The following LUZP2 variants were observed in gnomAD, a reference collection of about 807,000 sequenced individuals.
The protein encoded by LUZP2 is leucine zipper protein 2.
In LUZP2, 52 loss-of-function variants were observed where a neutral mutation model predicts 51.6. The observed-to-expected ratio is 1.01, with a 90% CI of 0.81 to 1.27. The LOEUF is 1.27. Ranked by LOEUF, LUZP2 falls within the 50% of genes most tolerant of loss-of-function variation. The probability of loss-of-function intolerance (pLI) is 0.00; values close to 1 mark genes in which losing one functional copy is unlikely to be tolerated. For missense variants in LUZP2, 436 were observed against 395.4 expected (o/e 1.10, Z -0.87); for synonymous variants, 154 against 137.3 (o/e 1.12, Z -0.85).
intron 7 of LUZP2, among the ~76,000 whole-genome samples, chr11:24,915,199 T>C (rs1215590754): frequency 6.6e-6 from 1 of 152,120 alleles, no homozygotes; most frequent in Non-Finnish European, 1.5e-5. Context: ...CTGTAGGACT[T>C]TCATTAACTC....
intron 5 of LUZP2, among the ~76,000 whole-genome samples, chr11:24,790,034 T>A (rs74944880): frequency 0.019 from 2,882 of 152,302 alleles, 93 homozygotes; most frequent in African/African-American, 0.066. Flanking sequence ...CCACCTGTGC[T>A]TTGAATTTAT....
chr11:24,697,079 T>A (rs367624027), intron 1 of LUZP2, among the ~76,000 whole-genome samples: 2 of 152,156 alleles, frequency 1.3e-5, no homozygotes, highest in South Asian at 4.1e-4. Flanking sequence ...TAAGGTCTGT[T>A]AAGGTCAAGG....
At chr11:24,918,576 C>A (rs1278277164) in intron 7 of LUZP2, among the ~76,000 whole-genome samples, 1 of 151,356 alleles carries the variant, frequency 6.6e-6, no homozygotes, top group Non-Finnish European at 1.5e-5. Flanking sequence ...ATAATAAGAG[C>A]TATTTATGAC....
chr11:24,915,172 C>T (rs184444854), intron 7 of LUZP2, among the ~76,000 whole-genome samples: 142 of 151,998 alleles, frequency 9.3e-4, no homozygotes, highest in African/African-American at 3.3e-3. Flanking sequence ...TATACAATAC[C>T]CACAAAAACT....
At chr11:24,952,329 G>T (rs1855101314) in intron 7 of LUZP2, among the ~76,000 whole-genome samples, 1 of 151,510 alleles carries the variant, frequency 6.6e-6, no homozygotes, top group South Asian at 2.1e-4. Context: ...GTTTTTGCAG[G>T]CACCTATATA....
chr11:24,872,389 G>C (rs139121759), intron 5 of LUZP2, among the ~76,000 whole-genome samples: 1 of 152,232 alleles, frequency 6.6e-6, no homozygotes, highest in East Asian at 1.9e-4. Flanking sequence ...ATTTGCTGCT[G>C]TCTCAGCTGT....
chr11:24,955,292 T>G (rs1855183504), intron 7 of LUZP2, among the ~76,000 whole-genome samples: 1 of 152,034 alleles, frequency 6.6e-6, no homozygotes, highest in Non-Finnish European at 1.5e-5. Flanking sequence ...TAACTGACCT[T>G]ATACTGAGTG....
At chr11:25,040,112 C>T (rs1476611006) in intron 9 of LUZP2, among the ~76,000 whole-genome samples, 1 of 151,960 alleles carries the variant, frequency 6.6e-6, no homozygotes, top group Non-Finnish European at 1.5e-5. Context: ...ATTAGTAAAT[C>T]ATAGAAGAAT....
chr11:25,045,177 T>C (rs1858264092), intron 9 of LUZP2, among the ~76,000 whole-genome samples: 1 of 151,912 alleles, frequency 6.6e-6, no homozygotes, highest in African/African-American at 2.4e-5. Flanking sequence ...CTGCACGTTG[T>C]GCACATGTGC....
intron 5 of LUZP2, among the ~76,000 whole-genome samples, chr11:24,864,597 G>A (rs1166353391): frequency 6.6e-6 from 1 of 152,162 alleles, no homozygotes; most frequent in Non-Finnish European, 1.5e-5. Context: ...TCCGCATGGT[G>A]GCAAGTTGTT....
intron 4 of LUZP2, among the ~76,000 whole-genome samples, chr11:24,743,462 G>C (rs900180399): frequency 6.6e-6 from 1 of 151,936 alleles, no homozygotes; most frequent in Non-Finnish European, 1.5e-5. Context: ...TTATAAAAGG[G>C]GTTGAATCCT....
At chr11:24,865,138 C>T (rs1412303476) in intron 5 of LUZP2, among the ~76,000 whole-genome samples, 2 of 152,134 alleles carry the variant, frequency 1.3e-5, no homozygotes, top group Admixed American at 1.3e-4. Context: ...TTTTCAGAGT[C>T]AGAACAAGTT....
intron 7 of LUZP2, among the ~76,000 whole-genome samples, chr11:24,967,715 A>C (rs1024512421): frequency 1.3e-5 from 2 of 151,986 alleles, no homozygotes; most frequent in African/African-American, 4.8e-5. Context: ...TTTGCTTTTA[A>C]AAATAACATT....
At chr11:24,525,328 C>T (rs540934511) in intron 1 of LUZP2, among the ~76,000 whole-genome samples, 2 of 151,722 alleles carry the variant, frequency 1.3e-5, no homozygotes, top group East Asian at 3.9e-4. Context: ...AAATTGCCTG[C>T]TTCACATAAT....
At position 24,763,008 on chromosome 11, in the gene LUZP2, C is replaced by G. The variant is rs1187220624; in HGVS notation, c.334-238C>G. ...CACAGTCATAAAGTGTAGGGTTTCT[C>G]AATTTAAAAAAAAAATAATAAATAG... On this transcript the variant is annotated intron_variant, in intron 4 of 11. Transcript: ENST00000336930. The G allele has an allele frequency of 4.7e-6, 4 of 856,030 alleles. No homozygotes were observed. In the East Asian group the frequency reaches 4.9e-4, roughly 104 times the overall value. The allele number at this position is 856,030 out of a possible 1,614,324, so 53.0% of individuals were successfully genotyped here. A position where few individuals can be genotyped will look rare whatever the true frequency, so the allele number is the denominator to read the frequency against.
chr11:24,703,865 C>CAA (rs68058102), intron 1 of LUZP2, among the ~76,000 whole-genome samples: 1,769 of 150,370 alleles, frequency 0.012, 35 homozygotes, highest in Admixed American at 0.037. Context: ...AAAAAACGAA[C>CAA]AAAAAAAAAC....
chr11:24,737,517 C>A (rs1331451759), intron 3 of LUZP2, among the ~76,000 whole-genome samples: 1 of 135,066 alleles, frequency 7.4e-6, no homozygotes, highest in Admixed American at 7.8e-5. Context: ...AAAATCAAGG[C>A]ACAGAAAGAT....
At chr11:24,824,670 C>A (rs942170719) in intron 5 of LUZP2, among the ~76,000 whole-genome samples, 4 of 151,722 alleles carry the variant, frequency 2.6e-5, no homozygotes, top group Non-Finnish European at 5.9e-5. Flanking sequence ...CCCAATAAAG[C>A]CCTACACATA....
intron 1 of LUZP2, among the ~76,000 whole-genome samples, chr11:24,598,061 A>G (rs1853502091): frequency 1.3e-5 from 2 of 151,146 alleles, no homozygotes; most frequent in Non-Finnish European, 2.9e-5. Context: ...AGATTGCGCC[A>G]TTGCACTCCA....
Sources: allele counts gnomAD v4.1 joint callset (sites outside exome capture counted in the v4.1 genomes callset), GRCh38; gene constraint gnomAD v4.1.1; transcripts MANE v1.5; gene names NCBI Gene and HGNC (gene_info 2026-07-23, HGNC 2026-07-21).